The following ADGRB3 variants were observed in gnomAD, a reference collection of about 807,000 sequenced individuals.
ADGRB3 encodes the protein brain-specific angiogenesis inhibitor 3.
In ADGRB3, 37 loss-of-function variants were observed where a neutral mutation model predicts 193.4. That is an observed-to-expected ratio of 0.19 (90% CI 0.15 to 0.25). The LOEUF is 0.25. ADGRB3 is among the 10% of genes least tolerant of loss of function. The probability of loss-of-function intolerance (pLI) is 1.00; values close to 1 mark genes in which losing one functional copy is unlikely to be tolerated. For missense variants in ADGRB3, 1,637 were observed against 1,852.9 expected (o/e 0.88, Z 2.14); for synonymous variants, 690 against 644.2 (o/e 1.07, Z -1.08).
At chr6:68,765,537 G>GACACACACAC (rs59919588) in intron 3 of ADGRB3, among the ~76,000 whole-genome samples, 22,436 of 143,370 alleles carry the variant, frequency 0.16, 1,852 homozygotes, top group Non-Finnish European at 0.18. Flanking sequence ...TATTCTTATA[G>GACACACACAC]ACACACACAC....
chr6:68,909,772 G>A (rs1242379813), intron 3 of ADGRB3, among the ~76,000 whole-genome samples: 2 of 152,164 alleles, frequency 1.3e-5, no homozygotes. Flanking sequence ...GTAGGTAGAT[G>A]CAGTATGAAA....
In ADGRB3 at chr6:69,103,807, T is replaced by C. The variant is rs73745953; in HGVS notation, c.2480+27769T>C. Among the ~76,000 whole-genome samples the C allele has an allele frequency of 6.1e-3, 915 of 150,348 alleles. 9 individuals are homozygous for C. The highest frequency in any genetic ancestry group is 0.02 in the African/African-American group (841 of 41,246). On this transcript the variant is annotated intron_variant, in intron 17 of 31. Coordinates refer to ENST00000370598, the MANE Select transcript of ADGRB3 (RefSeq NM_001704.3). ...ATATTATTATATTTATTTTATAAAG[T>C]CACATATATTAAGATAGAAGCATTT... is the stretch of plus-strand genomic sequence containing the variant.
At chr6:68,757,510 C>A (rs1766319219) in intron 3 of ADGRB3, among the ~76,000 whole-genome samples, 1 of 151,888 alleles carries the variant, frequency 6.6e-6, no homozygotes, top group Non-Finnish European at 1.5e-5. Context: ...TAATAAAATA[C>A]CTTTACCTTC....
chr6:68,893,064 C>G (rs1467216489), intron 3 of ADGRB3, among the ~76,000 whole-genome samples: 1 of 152,002 alleles, frequency 6.6e-6, no homozygotes, highest in Non-Finnish European at 1.5e-5. Flanking sequence ...AATTTTTGCT[C>G]AGGGTATTTT....
intron 3 of ADGRB3, among the ~76,000 whole-genome samples, chr6:68,841,662 A>C (rs1169607084): frequency 6.6e-6 from 1 of 152,114 alleles, no homozygotes; most frequent in Admixed American, 6.6e-5. Flanking sequence ...AAGTAGAAAA[A>C]CTTCAAATAA....
chr6:69,338,773 T>G (rs1768907163), intron 24 of ADGRB3, 143 bp from the exon 25 acceptor site: 1 of 703,588 alleles, frequency 1.4e-6, no homozygotes, highest in Non-Finnish European at 2.5e-6. Context: ...TAAATGCATC[T>G]TTACAACAAC....
intron 3 of ADGRB3, among the ~76,000 whole-genome samples, chr6:68,775,239 G>A (rs929373853): frequency 6.6e-6 from 1 of 151,692 alleles, no homozygotes; most frequent in African/African-American, 2.4e-5. Flanking sequence ...GGCATGGGAG[G>A]AGTCAATGGG....
intron 20 of ADGRB3, among the ~76,000 whole-genome samples, chr6:69,258,260 G>A (rs1025090168): frequency 6.6e-6 from 1 of 152,052 alleles, no homozygotes; most frequent in African/African-American, 2.4e-5. Context: ...ATGATGAAGA[G>A]GAGCAGATTT....
chr6:69,039,554 G>A (rs1028574688), intron 13 of ADGRB3, among the ~76,000 whole-genome samples: 1 of 152,002 alleles, frequency 6.6e-6, no homozygotes, highest in African/African-American at 2.4e-5. Flanking sequence ...CATGAAAGTA[G>A]ACAGGAACAA....
chr6:69,134,969 A>T (rs923921751), intron 17 of ADGRB3, among the ~76,000 whole-genome samples: 4 of 152,006 alleles, frequency 2.6e-5, no homozygotes, highest in Non-Finnish European at 5.9e-5. Flanking sequence ...TTTGTGGTAT[A>T]AAACAAACTC....
At chr6:68,843,056 A>AT (rs990598222) in intron 3 of ADGRB3, among the ~76,000 whole-genome samples, 4 of 151,734 alleles carry the variant, frequency 2.6e-5, no homozygotes, top group African/African-American at 9.7e-5. Flanking sequence ...AACAACAAAA[A>AT]AAAAAACAGG....
At chr6:68,809,459 T>C (rs1368946863) in intron 3 of ADGRB3, among the ~76,000 whole-genome samples, 1 of 152,228 alleles carries the variant, frequency 6.6e-6, no homozygotes. Flanking sequence ...ACAATCTAAA[T>C]AATAGACAAT....
At chr6:68,644,274 TC>T (rs1201970638) in intron 3 of ADGRB3, among the ~76,000 whole-genome samples, 2 of 152,150 alleles carry the variant, frequency 1.3e-5, no homozygotes, top group Admixed American at 6.5e-5. Context: ...TGATGTCAGT[TC>T]CTGATCTCCA....
In ADGRB3 at chr6:69,025,086, C is replaced by T. The variant is rs1408583253; in HGVS notation, c.2107+6587C>T. Among the ~76,000 whole-genome samples the T allele has an allele frequency of 2.7e-4, 28 of 102,608 alleles. 1 individual carries two copies. The highest frequency in any genetic ancestry group is 7.6e-4 in the African/African-American group (22 of 29,042). 67.3% of individuals were successfully genotyped at this position (102,608 alleles called of 152,430 possible). On this transcript the variant is annotated intron_variant, in intron 13 of 31. Coordinates refer to ENST00000370598, the MANE Select transcript of ADGRB3 (RefSeq NM_001704.3). ...CAGCCTGGGCGACAGAGCGAGACTC[C>T]GTCTCAAAAAAAAAAAAAAAAAATA...
chr6:69,378,088 C>T (rs965672589), intron 30 of ADGRB3, among the ~76,000 whole-genome samples: 1 of 152,038 alleles, frequency 6.6e-6, no homozygotes, highest in Non-Finnish European at 1.5e-5. Flanking sequence ...CTGCTGAATG[C>T]CAGATGCTGT....
chr6:69,093,055 G>A (rs1432994018), intron 17 of ADGRB3, among the ~76,000 whole-genome samples: 1 of 151,826 alleles, frequency 6.6e-6, no homozygotes, highest in Admixed American at 6.6e-5. Context: ...GGAGGGGTGG[G>A]CAGCCTAGTT....
chr6:69,079,336 T>C (rs1168619278), intron 17 of ADGRB3, among the ~76,000 whole-genome samples: 4 of 151,948 alleles, frequency 2.6e-5, no homozygotes, highest in African/African-American at 9.7e-5. Context: ...ATATTTTTTA[T>C]TCAATAGATG....
chr6:68,888,464 G>T (rs187809389), intron 3 of ADGRB3, among the ~76,000 whole-genome samples: 10 of 151,404 alleles, frequency 6.6e-5, no homozygotes, highest in African/African-American at 2.4e-4. Flanking sequence ...GGATAAAATT[G>T]ATATTGTGGT....
Position 69,033,949 on chromosome 6 carries a change from G to C in ADGRB3, c.2108-14236G>C, listed in dbSNP as rs146445215. Among the ~76,000 whole-genome samples the C allele has an allele frequency of 6.2e-4, 95 of 152,166 alleles. No individual in the cohort carries two copies. In the Middle Eastern group the frequency reaches 0.01, roughly 16 times the overall value. Reference sequence around the variant, plus strand: ...CAAAGTAGAAGCGAACTGTTCACAAGGGAGTGATTTATATTGGATAATAGG... The same window carrying C: ...CAAAGTAGAAGCGAACTGTTCACAACGGAGTGATTTATATTGGATAATAGG... On this transcript the variant is annotated intron_variant, in intron 13 of 31. Transcript: ENST00000370598.
Sources: gnomAD v4.1 joint callset for allele counts (sites outside exome capture counted in the v4.1 genomes callset) on GRCh38, gnomAD v4.1.1 for gene constraint, MANE v1.5 for transcripts, NCBI Gene and HGNC (gene_info 2026-07-23, HGNC 2026-07-21) for gene names.